The following LINGO2 variants were observed in gnomAD, a reference collection of about 807,000 sequenced individuals.
The protein encoded by LINGO2 is leucine-rich repeat and immunoglobulin-like domain-containing nogo receptor-interacting protein 2.
LINGO2 carries 14 observed loss-of-function variants against 30.6 expected under a neutral mutation model. The observed-to-expected ratio is 0.46, with a 90% CI of 0.30 to 0.72. The LOEUF is 0.72. Among genes scored for constraint, LINGO2 ranks in the 30% least tolerant of loss-of-function variants. The pLI is 0.07. For missense variants in LINGO2, 729 were observed against 751.7 expected (o/e 0.97, Z 0.35); for synonymous variants, 317 against 288.5 (o/e 1.10, Z -1.00).
the LINGO2 span, among the ~76,000 whole-genome samples, chr9:28,677,683 A>G: frequency 6.6e-6 from 1 of 152,132 alleles, no homozygotes; most frequent in Admixed American, 6.6e-5. Context: ...AACTGCCCAT[A>G]TTCATATTCA....
At chr9:28,605,451 T>C (rs149646051) in intron 1 of LINGO2, among the ~76,000 whole-genome samples, 3 of 152,050 alleles carry the variant, frequency 2.0e-5, no homozygotes, top group Admixed American at 6.6e-5. Flanking sequence ...TTTCCTCTTA[T>C]TTATTTCTTG....
chr9:28,050,861 TTTATA>T (rs1323849029), intron 4 of LINGO2, among the ~76,000 whole-genome samples: 1 of 150,940 alleles, frequency 6.6e-6, no homozygotes, highest in African/African-American at 2.4e-5. Context: ...ATTTGGTGAT[TTTATA>T]TAAGTTGAAA....
chr9:29,105,159 C>A, the LINGO2 span, among the ~76,000 whole-genome samples: 1 of 152,212 alleles, frequency 6.6e-6, no homozygotes, highest in South Asian at 2.1e-4. Context: ...AATATTTGAA[C>A]ACCAAGAGTA....
At chr9:29,104,040 A>G in the LINGO2 span, among the ~76,000 whole-genome samples, 1 of 152,194 alleles carries the variant, frequency 6.6e-6, no homozygotes, top group Non-Finnish European at 1.5e-5. Context: ...ATAGTACCCA[A>G]CACATAGTCA....
chr9:28,245,240 CA>C (rs1473739558), intron 4 of LINGO2, among the ~76,000 whole-genome samples: 1 of 152,082 alleles, frequency 6.6e-6, no homozygotes, highest in Non-Finnish European at 1.5e-5. Context: ...AAAAGGCCTT[CA>C]ATAAAATTCG....
At chr9:28,551,748 C>T (rs752797863) in intron 1 of LINGO2, among the ~76,000 whole-genome samples, 2 of 151,984 alleles carry the variant, frequency 1.3e-5, no homozygotes, top group Non-Finnish European at 2.9e-5. Flanking sequence ...GATTTAGACA[C>T]TGTATATTGA....
chr9:28,971,598 G>A, the LINGO2 span, among the ~76,000 whole-genome samples: 1 of 152,204 alleles, frequency 6.6e-6, no homozygotes, highest in African/African-American at 2.4e-5. Flanking sequence ...GCATCTTGTG[G>A]TTTGAATGCT....
At chr9:28,395,917 T>C (rs1407148569) in intron 2 of LINGO2, among the ~76,000 whole-genome samples, 1 of 152,176 alleles carries the variant, frequency 6.6e-6, no homozygotes, top group East Asian at 1.9e-4. Context: ...TATAAATTAA[T>C]ATTAGATCTT....
At chr9:28,489,896 C>CAAAAAA (rs36068240) in intron 1 of LINGO2, among the ~76,000 whole-genome samples, 2 of 66,910 alleles carry the variant, frequency 3.0e-5, no homozygotes, top group African/African-American at 5.5e-5. Context: ...GACTTTGTCT[C>CAAAAAA]AAAAAAAAAA....
intron 2 of LINGO2, among the ~76,000 whole-genome samples, chr9:28,402,457 T>C (rs1822311870): frequency 1.3e-5 from 2 of 152,238 alleles, no homozygotes; most frequent in South Asian, 4.1e-4. Flanking sequence ...AAACAGCGAA[T>C]GACAAGTATA....
chr9:28,930,886 G>C, the LINGO2 span, among the ~76,000 whole-genome samples: 1 of 152,086 alleles, frequency 6.6e-6, no homozygotes, highest in African/African-American at 2.4e-5. This position sits in a 1 kb window ranked among gnomAD's most constrained non-coding sequence, Gnocchi z 4.2. Context: ...CTGTGAGAAG[G>C]TATTTCTTGG....
At chr9:29,013,433 A>C in the LINGO2 span, among the ~76,000 whole-genome samples, 1 of 151,674 alleles carries the variant, frequency 6.6e-6, no homozygotes, top group African/African-American at 2.4e-5. Context: ...TAGTTGCTAT[A>C]GCTATAAAAT....
At chr9:28,213,690 T>C (rs1820671144) in intron 4 of LINGO2, among the ~76,000 whole-genome samples, 1 of 151,474 alleles carries the variant, frequency 6.6e-6, no homozygotes, top group Admixed American at 6.6e-5. Context: ...ACTTATGAAA[T>C]ACTTAATAAA....
chr9:29,207,862 T>C, the LINGO2 span, among the ~76,000 whole-genome samples: 1 of 152,066 alleles, frequency 6.6e-6, no homozygotes, highest in Non-Finnish European at 1.5e-5. Context: ...AACCTCATAT[T>C]TTATAATAAG....
the LINGO2 span, among the ~76,000 whole-genome samples, chr9:28,844,547 T>C: frequency 1.3e-5 from 2 of 151,822 alleles, no homozygotes; most frequent in East Asian, 3.9e-4. Flanking sequence ...AACAACATTT[T>C]TATAAAACAT....
intron 3 of LINGO2, among the ~76,000 whole-genome samples, chr9:28,362,424 A>G (rs948268665): frequency 6.6e-6 from 1 of 152,214 alleles, no homozygotes; most frequent in African/African-American, 2.4e-5. Flanking sequence ...AAGAATCAAA[A>G]GAAAAGAGGA....
intron 2 of LINGO2, among the ~76,000 whole-genome samples, chr9:28,422,607 A>G (rs1823244786): frequency 6.6e-6 from 1 of 152,116 alleles, no homozygotes; most frequent in South Asian, 2.1e-4. Context: ...AATGCAAAAT[A>G]TATTATGGGT....
At chr9:28,086,395 TA>T (rs1290431905) in intron 4 of LINGO2, among the ~76,000 whole-genome samples, 1 of 152,118 alleles carries the variant, frequency 6.6e-6, no homozygotes, top group Non-Finnish European at 1.5e-5. Context: ...ATATAATCTT[TA>T]CAAGATAAGT....
At chr9:28,577,981 AG>A (rs1212016255) in intron 1 of LINGO2, among the ~76,000 whole-genome samples, 1 of 152,146 alleles carries the variant, frequency 6.6e-6, no homozygotes, top group Non-Finnish European at 1.5e-5. Context: ...GGAGAAACAA[AG>A]GCTCTCTTCT....
Sources: gnomAD v4.1 joint callset for allele counts (sites outside exome capture counted in the v4.1 genomes callset) on GRCh38, gnomAD v4.1.1 for gene constraint, Gnocchi (gnomAD v3.1) non-coding constraint, MANE v1.5 for transcripts, NCBI Gene and HGNC (gene_info 2026-07-23, HGNC 2026-07-21) for gene names.